The following USP35 variants were observed in gnomAD, a reference collection of about 807,000 sequenced individuals.
The protein encoded by USP35 is ubiquitin carboxyl-terminal hydrolase 35.
USP35 carries 69 observed loss-of-function variants against 83.8 expected under a neutral mutation model. That is an observed-to-expected ratio of 0.82 (90% CI 0.68 to 1.01). USP35 has a LOEUF of 1.01. Ranked by LOEUF, USP35 falls within the 50% of genes least tolerant of loss-of-function variation. The pLI, the probability that USP35 is intolerant of heterozygous loss-of-function variation, is 0.00. For missense variants in USP35, 1,503 were observed against 1,362.5 expected, an observed-to-expected ratio of 1.10 and a Z score of -1.62; for synonymous variants, 714 against 589.5, an observed-to-expected ratio of 1.21 and a Z score of -3.06.
rs1457203959 is a variant in USP35 at position 78,189,101 on chromosome 11, C to T, written c.-67C>T. 4.9e-6 allele frequency: 2 copies of T among 412,348 alleles called. No homozygotes were observed. The highest frequency in any genetic ancestry group is 2.2e-5 in the African/African-American group (1 of 46,128). 25.5% of individuals were successfully genotyped at this position (412,348 alleles called of 1,614,324 possible). On this transcript the variant is annotated 5_prime_UTR_variant, in exon 1 of 11. Coordinates refer to ENST00000529308, the MANE Select transcript of USP35 (RefSeq NM_020798.4). ...TGACCTAGCCGGGCCCAGCCTCGTC[C>T]TGCCCGGCCTGAGCGCCCCGCCCAG...
chr11:78,231,329 C>T, the USP35 span, among the ~76,000 whole-genome samples: 23 of 115,662 alleles, frequency 2.0e-4, no homozygotes, highest in Admixed American at 4.5e-4. Flanking sequence ...CGCGCGCGCG[C>T]GTGTGTGGTG....
Position 78,214,722 on chromosome 11 carries a change from C to CCT in USP35, c.*910_*911dup. On this transcript the variant is annotated 3_prime_UTR_variant, in exon 11 of 11. Transcript: ENST00000529308. ...TAAGCCTAAGCAAGAGATTGTTCTT[C>CCT]CTTGGACTCAGGGGCTGTGATGGCC... 1 of 152,220 alleles carries CCT rather than the reference C, an allele frequency of 6.6e-6. No homozygotes were observed. Among genetic ancestry groups the CCT allele is most frequent in the East Asian group, 1.9e-4 (1 of 5,196 alleles). The allele number at this position is 152,220 out of a possible 1,614,324, so 9.4% of individuals were successfully genotyped here.
At chr11:78,217,337 G>A (rs974724538), downstream of USP35, 3 of 152,232 alleles carry the variant, frequency 2.0e-5, no homozygotes, top group African/African-American at 7.2e-5. Context: ...GGAGACAGCA[G>A]CCATTAATAA....
the USP35 span, chr11:78,226,889 G>C: frequency 1.7e-5 from 28 of 1,614,012 alleles, no homozygotes; most frequent in Non-Finnish European, 2.4e-5. Flanking sequence ...TACTGTCTCT[G>C]AATTCTGTAT....
rs894825112 is a variant in USP35 at position 78,196,307 on chromosome 11, T to A, written c.62T>A (p.Leu21Gln). 3.1e-6 allele frequency: 5 copies of A among 1,592,668 alleles called. No individual in the cohort carries two copies. The African/African-American group carries it at 6.8e-5, about 22-fold the overall frequency. ...SSYPVSVKQG[L>Q]VRRVLEAARQ... ...TACCCGGTCAGCGTGAAGCAGGGGC[T>A]GGTTCGGCGCGTGCTGGAGGCGGCG... The change falls in exon 2 of 11, where the codon CTG (leucine) becomes CAG (glutamine). Residue 21 changes from leucine (L) to glutamine (Q), a missense_variant. By Grantham distance (113) the Leu-to-Gln change is moderately radical. Transcript: ENST00000529308. The surrounding 1 kb of genome is among the most constrained non-coding windows in gnomAD (Gnocchi z 4.8).
chr11:78,229,775 G>A, the USP35 span, among the ~76,000 whole-genome samples: 1 of 152,168 alleles, frequency 6.6e-6, no homozygotes, highest in Non-Finnish European at 1.5e-5. Context: ...AAACTTTGCA[G>A]TGTTCCCTGT....
chr11:78,224,730 G>T, the USP35 span, among the ~76,000 whole-genome samples: 2,115 of 152,230 alleles, frequency 0.014, 40 homozygotes, highest in African/African-American at 0.047. Context: ...TAGCCTGACT[G>T]TGAGTACCAC....
downstream of USP35, chr11:78,216,376 A>C (rs2134441189): frequency 6.6e-6 from 1 of 152,128 alleles, no homozygotes; most frequent in East Asian, 1.9e-4. Context: ...ACTTTGACCC[A>C]TGGATAGGCC....
At chr11:78,194,515 G>A (rs1480105110) in intron 1 of USP35, among the ~76,000 whole-genome samples, 1 of 152,204 alleles carries the variant, frequency 6.6e-6, no homozygotes, top group Non-Finnish European at 1.5e-5. Context: ...TCTTATATCA[G>A]GTCCTGCCTA....
rs758110711 is a variant in USP35 at position 78,200,811 on chromosome 11, G to T, written c.1197+3G>T. The stretch of plus-strand genomic sequence containing the variant: ...AGCCTGTCATGGAGGCCATCAAGGT[G>T]AGCGACAGTCCCCTACTTGGGCCTT... On this transcript the variant is annotated splice_donor_region_variant and intron_variant, in intron 6 of 10. Transcript: ENST00000529308. 6.2e-7 allele frequency: 1 copy of T among 1,600,582 alleles called. No homozygotes were observed. The highest frequency in any genetic ancestry group is 1.1e-5 in the South Asian group (1 of 90,132).
chr11:78,196,912 T>A lies in USP35; in HGVS notation c.667T>A (p.Cys223Ser). 6 of 1,451,870 alleles carry A rather than the reference T, an allele frequency of 4.1e-6. No individual in the cohort carries two copies. Among genetic ancestry groups the A allele is most frequent in the Non-Finnish European group, 5.4e-6 (6 of 1,105,294 alleles). 89.9% of individuals were successfully genotyped at this position (1,451,870 alleles called of 1,614,324 possible). The change falls in exon 2 of 11, where the codon TGC (cysteine) becomes AGC (serine). Residue 223 changes from cysteine (C) to serine (S), a missense_variant. Transcript: ENST00000529308. The surrounding 1 kb of genome is among the most constrained non-coding windows in gnomAD (Gnocchi z 4.8). ...CLKELFAVIS[C>S]AEEEPPSSAL... ...CAAAGAGCTGTTCGCAGTCATCTCC[T>A]GCGCAGGTGCGTGTGCGGCCGGGGC...
downstream of USP35, chr11:78,217,810 C>G (rs543665822): frequency 6.6e-6 from 1 of 152,416 alleles, no homozygotes; most frequent in South Asian, 2.1e-4. Flanking sequence ...TGAGGAAACA[C>G]TGGGCCGGCA....
At chr11:78,205,597 TA>T (rs1375634288) in intron 6 of USP35, among the ~76,000 whole-genome samples, 1 of 152,156 alleles carries the variant, frequency 6.6e-6, no homozygotes, top group Non-Finnish European at 1.5e-5. Context: ...TTTTAATCTA[TA>T]AAATGGGAAT....
intron 6 of USP35, among the ~76,000 whole-genome samples, chr11:78,202,444 T>C (rs1863384699): frequency 1.3e-5 from 2 of 152,166 alleles, no homozygotes. Flanking sequence ...TTGGGGGTTG[T>C]GGCCCTTCCC....
At chr11:78,193,638 A>G (rs1863060679) in intron 1 of USP35, among the ~76,000 whole-genome samples, 1 of 152,192 alleles carries the variant, frequency 6.6e-6, no homozygotes, top group African/African-American at 2.4e-5. Flanking sequence ...CTGAAGCAAC[A>G]GGAGTTGACA....
the USP35 span, among the ~76,000 whole-genome samples, chr11:78,228,992 G>C: frequency 6.6e-6 from 1 of 152,034 alleles, no homozygotes; most frequent in Admixed American, 6.6e-5. Flanking sequence ...TTTCCATCTG[G>C]GCCAGGCAAA....
Position 78,210,582 on chromosome 11 carries a change from C to T in USP35, c.2727C>T (p.Val909=), listed in dbSNP as rs777528612. 4 of 1,613,998 alleles carry T rather than the reference C, an allele frequency of 2.5e-6. No homozygotes were observed. The East Asian group carries it at 6.7e-5, about 27-fold the overall frequency. ...SFSSFESVSN[V]TSFFPKDTAY... is the part of the protein sequence containing the mutation. ...CTTCCTTCGAATCTGTCAGCAACGT[C>T]ACCTCCTTCTTCCCTAAGGACACAG... The change falls in exon 10 of 11, where the codon GTC becomes GTT. Residue 909 remains valine, a synonymous_variant. Transcript: ENST00000529308.
chr11:78,197,300 G>A (rs1863184567), intron 2 of USP35, among the ~76,000 whole-genome samples: 1 of 151,958 alleles, frequency 6.6e-6, no homozygotes, highest in Non-Finnish European at 1.5e-5. Context: ...TCACTTTAGA[G>A]CCAGGAGTTG....
the USP35 span, chr11:78,225,172 T>G: frequency 1.2e-6 from 2 of 1,613,018 alleles, no homozygotes; most frequent in Middle Eastern, 1.7e-4. Flanking sequence ...TCCACCACGC[T>G]GTGGGTACTC....
Sources: allele counts gnomAD v4.1 joint callset (sites outside exome capture counted in the v4.1 genomes callset), GRCh38; gene constraint gnomAD v4.1.1; non-coding constraint Gnocchi (gnomAD v3.1); transcripts MANE v1.5; gene names NCBI Gene and HGNC (gene_info 2026-07-23, HGNC 2026-07-21).